The following PCDHA12 variants were observed in gnomAD, a reference collection of about 807,000 sequenced individuals.
The protein encoded by PCDHA12 is protocadherin alpha 12, also known as protocadherin alpha-12.
Under a neutral mutation model 60.0 loss-of-function variants are expected in PCDHA12, and 44 were observed. The observed-to-expected ratio is 0.73, with a 90% CI of 0.58 to 0.94. The LOEUF is 0.94. Ranked by LOEUF, PCDHA12 falls within the 40% of genes least tolerant of loss-of-function variation. PCDHA12 has a pLI of 0.00. For missense variants in PCDHA12, 1,276 were observed against 1,239.7 expected (o/e 1.03, Z -0.44); for synonymous variants, 569 against 553.0 (o/e 1.03, Z -0.40).
At chr5:140,895,671 T>C (rs1014778982) in intron 1 of PCDHA12, among the ~76,000 whole-genome samples, 5 of 152,184 alleles carry the variant, frequency 3.3e-5, no homozygotes, top group African/African-American at 4.8e-5. Context: ...GAACATGTAG[T>C]ATTTGGTTTT....
At chr5:140,939,351 T>C (rs918440257) in intron 1 of PCDHA12, among the ~76,000 whole-genome samples, 2 of 152,140 alleles carry the variant, frequency 1.3e-5, no homozygotes, top group Non-Finnish European at 1.5e-5. Flanking sequence ...TTTCAACTTA[T>C]GATTGCAAAG....
In PCDHA12 at chr5:140,876,095, T is replaced by G. The variant is rs781801828; in HGVS notation, c.623T>G (p.Leu208Arg). 1 of 1,613,928 alleles carries G rather than the reference T, an allele frequency of 6.2e-7. No individual in the cohort carries two copies. The highest frequency in any genetic ancestry group is 1.7e-5 in the Admixed American group (1 of 60,032). ...TTGGACAGAGAGCAAACGCCAAAAC[T>G]CAATTTATTGCTGATGGTAATCGAT... ...KLLDREQTPK[L>R]NLLLMVIDGG... Residue 208 changes from leucine (L) to arginine (R), a missense_variant, in exon 1 of 4, where the codon CTC (leucine) becomes CGC (arginine). By Grantham distance (102) the Leu-to-Arg change is moderately radical. Coordinates refer to ENST00000398631, the MANE Select transcript of PCDHA12 (RefSeq NM_018903.4).
chr5:140,989,085 C>T (rs1481898269), intron 3 of PCDHA12: 7 of 152,258 alleles, frequency 4.6e-5, no homozygotes, highest in Non-Finnish European at 7.4e-5. Context: ...CTCTGAAAAC[C>T]TTGTCAGGAG....
At chr5:140,971,958 C>G (rs2096508715) in intron 1 of PCDHA12, among the ~76,000 whole-genome samples, 1 of 152,054 alleles carries the variant, frequency 6.6e-6, no homozygotes, top group Non-Finnish European at 1.5e-5. Context: ...ACTCCAAAAA[C>G]TTTTTTTCAA....
In PCDHA12 at chr5:140,936,310, T is replaced by C. The variant is rs541948860; in HGVS notation, c.2368-42639T>C. 5.3e-5 allele frequency among the ~76,000 whole-genome samples: 8 copies of C among 152,318 alleles called. No individual in the cohort carries two copies. The South Asian group carries it at 1.4e-3, about 28-fold the overall frequency. ...TATAACATTGCTATCCAATAGAACT[T>C]TCTGACATGCTATAAATTTTCTCTA... On this transcript the variant is annotated intron_variant, in intron 1 of 3. Transcript: ENST00000398631.
rs2098420479 is a variant in PCDHA12, at chr5:141,011,408, T to TAC, written c.*1472_*1473insCA. 6.5e-6 allele frequency: 1 copy of TAC among 153,814 alleles called. No individual in the cohort carries two copies. The highest frequency in any genetic ancestry group is 2.4e-5 in the African/African-American group (1 of 41,476). 9.5% of individuals were successfully genotyped at this position (153,814 alleles called of 1,614,324 possible). ...GAAATATACTTACTCTGTGCTTGTG[T>TAC]ATGTGAATGTTAATGCAACTATTAC... On this transcript the variant is annotated 3_prime_UTR_variant, in exon 4 of 4. Coordinates refer to ENST00000398631, the MANE Select transcript of PCDHA12 (RefSeq NM_018903.4).
In PCDHA12 at chr5:140,883,753, G is replaced by A. The variant is rs945452765; in HGVS notation, c.2367+5914G>A. 5 of 1,613,010 alleles carry A rather than the reference G, an allele frequency of 3.1e-6. No homozygotes were observed. The African/African-American group carries it at 5.3e-5, about 17-fold the overall frequency. ...ACGCGCTGGTCTCCTACTCGCTGGT[G>A]GAGCGGCGGGTGGGCGAGCGTGCGC... is the stretch of plus-strand genomic sequence containing the variant. On this transcript the variant is annotated intron_variant, in intron 1 of 3. Transcript: ENST00000398631.
At chr5:140,877,980 T>C in intron 1 of PCDHA12, 141 bp downstream of exon 1, 1 of 1,219,572 alleles carries the variant, frequency 8.2e-7, no homozygotes. Flanking sequence ...TTCTTACTCA[T>C]TTTGAACTTT....
chr5:140,884,423 AC>A, intron 1 of PCDHA12: 3 of 1,613,932 alleles, frequency 1.9e-6, no homozygotes, highest in Non-Finnish European at 2.5e-6. Flanking sequence ...GCTGCTGTAT[AC>A]TGCGCTGCGG....
chr5:140,995,543 G>A (rs1243799532), intron 3 of PCDHA12, among the ~76,000 whole-genome samples: 1 of 152,144 alleles, frequency 6.6e-6, no homozygotes, highest in Non-Finnish European at 1.5e-5. Context: ...AATAAGGGGC[G>A]ATCACTGTAC....
chr5:141,008,400 T>A (rs1347375750), intron 3 of PCDHA12, among the ~76,000 whole-genome samples: 3 of 152,082 alleles, frequency 2.0e-5, no homozygotes, highest in African/African-American at 7.2e-5. Context: ...GATGTCAGAG[T>A]TCCAATGTCA....
intron 1 of PCDHA12, among the ~76,000 whole-genome samples, chr5:140,948,945 A>C: frequency 6.6e-6 from 1 of 151,662 alleles, no homozygotes; most frequent in East Asian, 1.9e-4. Flanking sequence ...TCTAATATAA[A>C]AAAATTAAAG....
At chr5:140,921,958 A>G (rs155363) in intron 1 of PCDHA12, among the ~76,000 whole-genome samples, 87,659 of 151,706 alleles carry the variant, frequency 0.58, 26,267 homozygotes, top group African/African-American at 0.75. Flanking sequence ...AAATCCCAGA[A>G]AACCAAAGGA....
At chr5:140,908,602 G>T (rs542051868) in intron 1 of PCDHA12, among the ~76,000 whole-genome samples, 67 of 152,202 alleles carry the variant, frequency 4.4e-4, no homozygotes, top group African/African-American at 1.3e-3. Context: ...AAGATGGAAG[G>T]GCCTTGCTCC....
chr5:141,009,717 A>C lies in PCDHA12; in HGVS notation c.2606A>C (p.Gln869Pro). Residue 869 changes from glutamine to proline, a missense_variant, in exon 4 of 4, where the codon CAA becomes CCA. Coordinates refer to ENST00000398631, the MANE Select transcript of PCDHA12 (RefSeq NM_018903.4). ...AAATACGGACCAGGCAACCCCAAAC[A>C]ATCCGGTCCCGGTGAGTTGCCCGAC... ...TFKYGPGNPK[Q>P]SGPGELPDKF... is the part of the protein sequence containing the mutation. 4 of 1,614,058 alleles carry C rather than the reference A, an allele frequency of 2.5e-6. No homozygotes were observed. The highest frequency in any genetic ancestry group is 3.4e-6 in the Non-Finnish European group (4 of 1,180,004).
intron 1 of PCDHA12, chr5:140,927,419 G>T (rs781883331): frequency 1.9e-6 from 3 of 1,614,140 alleles, no homozygotes; most frequent in South Asian, 2.2e-5. Flanking sequence ...ATGGGATCGC[G>T]GGTTGACGGC....
At chr5:140,967,954 C>T in intron 1 of PCDHA12, 1 of 1,614,208 alleles carries the variant, frequency 6.2e-7, no homozygotes, top group Non-Finnish European at 8.5e-7. Flanking sequence ...ACTCAGGCCC[C>T]AACCGGAAAG....
rs1413393487 is a variant in PCDHA12, at chr5:140,941,341, G to T, written c.2368-37608G>T. On this transcript the variant is annotated intron_variant, in intron 1 of 3. Coordinates refer to ENST00000398631, the MANE Select transcript of PCDHA12 (RefSeq NM_018903.4). ...TCTCTTTTTTTTTTTTTTTCAGATG[G>T]AGTCTTGCTCTGTTGCCTAGGCTGG... Among the ~76,000 whole-genome samples the T allele has an allele frequency of 2.5e-5, 3 of 119,500 alleles. No homozygotes were observed. The East Asian group carries it at 8.2e-4, about 33-fold the overall frequency. 78.4% of individuals were successfully genotyped at this position (119,500 alleles called of 152,430 possible).
chr5:140,912,426 G>T (rs1349647535), intron 1 of PCDHA12, among the ~76,000 whole-genome samples: 1 of 151,784 alleles, frequency 6.6e-6, no homozygotes, highest in Non-Finnish European at 1.5e-5. Flanking sequence ...GTGTATAGCA[G>T]TGTTGCTGAT....
Sources: allele counts gnomAD v4.1 joint callset (sites outside exome capture counted in the v4.1 genomes callset), GRCh38; gene constraint gnomAD v4.1.1; transcripts MANE v1.5; gene names NCBI Gene and HGNC (gene_info 2026-07-23, HGNC 2026-07-21).